Variants in IL6R observed in about 807,000 individuals in gnomAD.
The protein encoded by IL6R is interleukin 6 receptor, also known as interleukin-6 receptor subunit alpha.
In IL6R, 38 loss-of-function variants were observed where a neutral mutation model predicts 48.3. The ratio of observed to expected loss-of-function variants is 0.79; its 90% confidence interval spans 0.61 to 1.03. IL6R has a LOEUF of 1.03. Among genes scored for constraint, IL6R ranks in the 50% least tolerant of loss-of-function variants. The pLI is 0.00. For synonymous variants in IL6R, 264 were observed against 256.2 expected (o/e 1.03, Z -0.29); for missense variants, 534 against 618.3 (o/e 0.86, Z 1.45).
At chr1:154,409,098 A>G (rs760531011) in intron 1 of IL6R, among the ~76,000 whole-genome samples, 13 of 152,180 alleles carry the variant, frequency 8.5e-5, no homozygotes, top group Non-Finnish European at 1.6e-4. Context: ...TGTTTGCACT[A>G]CCGAATTCCA....
intron 3 of IL6R, among the ~76,000 whole-genome samples, chr1:154,433,972 C>T (rs567385398): frequency 6.6e-6 from 1 of 151,936 alleles, no homozygotes; most frequent in East Asian, 2.0e-4. Context: ...CATGATCTGC[C>T]TGCGTTGCCC....
chr1:154,447,540 T>TATATATACACATACAC (rs1690327310), intron 6 of IL6R, among the ~76,000 whole-genome samples: 1 of 113,062 alleles, frequency 8.8e-6, no homozygotes, highest in Non-Finnish European at 1.8e-5. Context: ...TACACATACA[T>TATATATACACATACAC]ATATATACAC....
Position 154,429,429 on chromosome 1 carries a change from C to G in IL6R, c.319C>G (p.His107Asp). 1 of 1,610,504 alleles carries G rather than the reference C, an allele frequency of 6.2e-7. No individual in the cohort carries two copies. Among genetic ancestry groups the G allele is most frequent in the Non-Finnish European group, 8.5e-7 (1 of 1,177,110 alleles). ...GGCCGGCCGCCCAGCTGGGACTGTG[C>G]ACTTGCTGGTGGATGGTGAGTTGTG... ...YRAGRPAGTV[H>D]LLVDVPPEEP... The change falls in exon 2 of 10, where the codon CAC (histidine) becomes GAC (aspartate). Residue 107 changes from histidine to aspartate, a missense_variant. His to Asp is a moderately conservative substitution (Grantham distance 81). Transcript: ENST00000368485.
At chr1:154,456,616 G>C (rs1056349880) in intron 9 of IL6R, among the ~76,000 whole-genome samples, 2 of 152,228 alleles carry the variant, frequency 1.3e-5, no homozygotes, top group South Asian at 4.1e-4. Flanking sequence ...GGCTTCAGCA[G>C]TTGGGCAGAT....
rs146287996 is a variant in IL6R at position 154,416,314 on chromosome 1, T to C, written c.85+10600T>C. On this transcript the variant is annotated intron_variant, in intron 1 of 9. Coordinates refer to ENST00000368485, the MANE Select transcript of IL6R (RefSeq NM_000565.4). ...CTGGCTAATTTAAAAAAAAATTTTT[T>C]TTTTTTTTTTTGTAGAGATGGAGTT... 3.8e-3 allele frequency among the ~76,000 whole-genome samples: 581 copies of C among 151,706 alleles called. 4 individuals carry two copies. Among genetic ancestry groups the C allele is most frequent in the African/African-American group, 0.013 (549 of 41,436 alleles).
intron 6 of IL6R, chr1:154,445,055 C>G (rs1396287997): frequency 2.2e-6 from 1 of 456,108 alleles, no homozygotes; most frequent in Non-Finnish European, 4.4e-6. Flanking sequence ...AGGCTTCTCT[C>G]CACAGACCAT....
At chr1:154,450,491 C>A (rs1055806290) in intron 8 of IL6R, among the ~76,000 whole-genome samples, 1 of 152,026 alleles carries the variant, frequency 6.6e-6, no homozygotes. Flanking sequence ...ATGAGGAGAC[C>A]GTAAGAAAAG....
chr1:154,406,240 C>T (rs888977505), intron 1 of IL6R, among the ~76,000 whole-genome samples: 15 of 152,184 alleles, frequency 9.9e-5, no homozygotes, highest in Admixed American at 2.0e-4. Flanking sequence ...AAGGGACTGA[C>T]ATCACGGGCG....
intron 7 of IL6R, among the ~76,000 whole-genome samples, chr1:154,449,184 C>G (rs1383439615): frequency 4.5e-5 from 1 of 22,070 alleles, no homozygotes; most frequent in Non-Finnish European, 8.3e-5. Context: ...CGTGAGCCAC[C>G]GCGCCCGGCC....
At chr1:154,424,490 T>TGA (rs1688861027) in intron 1 of IL6R, among the ~76,000 whole-genome samples, 1 of 152,220 alleles carries the variant, frequency 6.6e-6, no homozygotes, top group African/African-American at 2.4e-5. Flanking sequence ...GAAGGGATAT[T>TGA]GCAAGCATTG....
chr1:154,450,424 A>G (rs1558326315), intron 8 of IL6R, among the ~76,000 whole-genome samples: 1 of 152,106 alleles, frequency 6.6e-6, no homozygotes, highest in African/African-American at 2.4e-5. Flanking sequence ...GTGCCTGGCC[A>G]GAAATGTTCT....
chr1:154,422,569 C>A (rs1432565927), intron 1 of IL6R, among the ~76,000 whole-genome samples: 5 of 152,070 alleles, frequency 3.3e-5, no homozygotes, highest in African/African-American at 1.2e-4. Context: ...TTAGGAACTT[C>A]TGAACTTGCA....
At chr1:154,414,969 T>C in intron 1 of IL6R, 1 of 1,427,684 alleles carries the variant, frequency 7.0e-7, no homozygotes. Flanking sequence ...GGCCCCGATC[T>C]TCAGTATGTC....
chr1:154,415,000 G>C (rs1167598142), intron 1 of IL6R: 10 of 1,518,660 alleles, frequency 6.6e-6, no homozygotes, highest in African/African-American at 1.4e-5. Flanking sequence ...ATGAGCTGCT[G>C]TTTGGTCAGC....
intron 1 of IL6R, among the ~76,000 whole-genome samples, chr1:154,413,930 G>A (rs974113768): frequency 1.3e-5 from 2 of 151,782 alleles, no homozygotes; most frequent in Non-Finnish European, 2.9e-5. Context: ...AATTTCCTGG[G>A]ACTCAAGCGA....
chr1:154,436,230 C>T (rs113386344), intron 6 of IL6R, 120 bp downstream of exon 6: 1 of 1,116,828 alleles, frequency 9.0e-7, no homozygotes. Flanking sequence ...GTGGCTCACA[C>T]CTGTAATCCC....
chr1:154,424,938 A>G (rs1383093378), intron 1 of IL6R, among the ~76,000 whole-genome samples: 1 of 151,956 alleles, frequency 6.6e-6, no homozygotes, highest in Non-Finnish European at 1.5e-5. Context: ...AGGGCTCACA[A>G]CTCCAAAGGG....
intron 8 of IL6R, among the ~76,000 whole-genome samples, chr1:154,452,224 G>GC (rs1690622965): frequency 6.6e-6 from 1 of 152,098 alleles, no homozygotes; most frequent in South Asian, 2.1e-4. Context: ...GCTCTCTCTG[G>GC]CTCAGTACCA....
At position 154,468,961 on chromosome 1, in the gene IL6R, TGGGCAGGGGCTGCACACGGAG is replaced by T. The variant is rs1195687933; in HGVS notation, c.*3589_*3609del. On this transcript the variant is annotated 3_prime_UTR_variant, in exon 10 of 10. Transcript: ENST00000368485. ...TGCACCCAGCTGTCCCGTGCAGCCGTGGGCAGGGGCTGCACACGGAGGGGCAGGCGGGCCAGTTCAGGGTCC... is the reference window on the plus strand; with the variant it reads ...TGCACCCAGCTGTCCCGTGCAGCCGTGGGCAGGCGGGCCAGTTCAGGGTCC... The T allele has an allele frequency of 6.6e-5, 10 of 152,190 alleles. No individual in the cohort carries two copies. Among genetic ancestry groups the T allele is most frequent in the Non-Finnish European group, 1.5e-4 (10 of 68,032 alleles). The allele number at this position is 152,190 out of a possible 1,614,324, so 9.4% of individuals were successfully genotyped here. A position where few individuals can be genotyped will look rare whatever the true frequency, so the allele number is the denominator to read the frequency against.
Sources: allele counts gnomAD v4.1 joint callset (sites outside exome capture counted in the v4.1 genomes callset), GRCh38; gene constraint gnomAD v4.1.1; transcripts MANE v1.5; gene names NCBI Gene and HGNC (gene_info 2026-07-23, HGNC 2026-07-21).